The following LRBA variants were observed in gnomAD, a reference collection of about 807,000 sequenced individuals.
LRBA encodes lipopolysaccharide-responsive and beige-like anchor protein.
A neutral mutation model predicts 330.0 loss-of-function variants in LRBA; 176 were observed. The observed-to-expected ratio is 0.53, with a 90% CI of 0.47 to 0.60. The LOEUF (loss-of-function observed/expected upper bound fraction) is 0.60. LRBA is among the 20% of genes least tolerant of loss of function. The pLI is 0.00. For missense variants in LRBA, 3,259 were observed against 3,444.8 expected (o/e 0.95, Z 1.35); for synonymous variants, 1,230 against 1,193.0 (o/e 1.03, Z -0.64).
intron 40 of LRBA, among the ~76,000 whole-genome samples, chr4:150,522,617 C>T (rs1020095240): frequency 6.6e-6 from 1 of 152,202 alleles, no homozygotes; most frequent in African/African-American, 2.4e-5. Context: ...CCAACCAGCA[C>T]AGCTCAAGTC....
intron 37 of LRBA, among the ~76,000 whole-genome samples, chr4:150,626,290 C>T (rs1343750824): frequency 1.3e-5 from 2 of 152,092 alleles, no homozygotes; most frequent in African/African-American, 4.8e-5. Flanking sequence ...CTAAAAAGTG[C>T]TTCAAATAAA....
intron 47 of LRBA, among the ~76,000 whole-genome samples, chr4:150,352,058 A>G (rs1200040252): frequency 6.6e-6 from 1 of 152,242 alleles, no homozygotes; most frequent in Non-Finnish European, 1.5e-5. Context: ...ACTGTGGATA[A>G]GGAGGAGACT....
chr4:150,491,706 G>A (rs900578187), intron 40 of LRBA, among the ~76,000 whole-genome samples: 1 of 152,096 alleles, frequency 6.6e-6, no homozygotes, highest in African/African-American at 2.4e-5. Context: ...CATCCCAGGT[G>A]ACAGACAGAG....
chr4:150,427,020 T>A (rs1190304410), intron 46 of LRBA, among the ~76,000 whole-genome samples: 1 of 151,734 alleles, frequency 6.6e-6, no homozygotes, highest in African/African-American at 2.4e-5. Flanking sequence ...GCAATAATAA[T>A]GCAAACAAAA....
rs1581618930 is a variant in LRBA, at chr4:150,539,361, T to C, written c.6331-48326A>G. ...TTCTTCATCTGAAAAATGTTAGCCA[T>C]AAAAAATTTTTTACCCCAATTTCTA... On this transcript the variant is annotated intron_variant, in intron 40 of 56. Coordinates refer to ENST00000651943, the MANE Select transcript of LRBA (RefSeq NM_001364905.1). 2.6e-5 allele frequency among the ~76,000 whole-genome samples: 4 copies of C among 152,290 alleles called. No homozygotes were observed. The South Asian group carries it at 8.3e-4, about 32-fold the overall frequency.
rs1373279973 is a variant in LRBA, at chr4:150,786,701, C to CA, written c.5580+11379dup. On this transcript the variant is annotated intron_variant, in intron 34 of 56. Transcript: ENST00000651943. ...CCCAAACTATCAGCAGCACTCTGAC[C>CA]AAAAAAATATGTTTAAAAAACCCTA... 3.3e-5 allele frequency among the ~76,000 whole-genome samples: 5 copies of CA among 152,064 alleles called. No homozygotes were observed. In the South Asian group the frequency reaches 6.3e-4, roughly 19 times the overall value.
intron 35 of LRBA, among the ~76,000 whole-genome samples, chr4:150,742,146 TA>T (rs1222602832): frequency 1.4e-3 from 16 of 11,348 alleles, no homozygotes; most frequent in East Asian, 1.0e-2. Flanking sequence ...TTATTATTAT[TA>T]TTATTTTTTT....
chr4:150,903,022 C>G (rs780136302), intron 13 of LRBA, among the ~76,000 whole-genome samples: 1 of 152,086 alleles, frequency 6.6e-6, no homozygotes, highest in East Asian at 1.9e-4. Flanking sequence ...CTAACTACTT[C>G]GTTCTGAGAA....
chr4:150,767,330 T>A (rs543109174), intron 34 of LRBA, among the ~76,000 whole-genome samples: 1 of 152,282 alleles, frequency 6.6e-6, no homozygotes, highest in African/African-American at 2.4e-5. Context: ...AATATTAGCA[T>A]GTTCTAAAGC....
chr4:150,830,472 C>T (rs1028488080), intron 29 of LRBA, among the ~76,000 whole-genome samples: 2 of 152,046 alleles, frequency 1.3e-5, no homozygotes, highest in Non-Finnish European at 2.9e-5. Context: ...CTGTTTTAGT[C>T]AGTCAGTCTC....
chr4:150,873,280 C>T (rs544056387), intron 17 of LRBA, among the ~76,000 whole-genome samples: 1 of 152,214 alleles, frequency 6.6e-6, no homozygotes, highest in South Asian at 2.1e-4. Context: ...ATATAGTAAT[C>T]TAATTTAATT....
chr4:150,861,701 TAAGA>T (rs1368056287), intron 22 of LRBA, among the ~76,000 whole-genome samples: 1 of 152,216 alleles, frequency 6.6e-6, no homozygotes, highest in Non-Finnish European at 1.5e-5. Context: ...CTTTGTTCAA[TAAGA>T]AATTAACCTC....
At chr4:150,685,414 ATATATATTTTTTTTT>A (rs1203395514) in intron 36 of LRBA, among the ~76,000 whole-genome samples, 1 of 19,400 alleles carries the variant, frequency 5.2e-5, no homozygotes, top group Non-Finnish European at 9.5e-5. Context: ...ATATATATAT[ATATATATTTTTTTTT>A]TTTTTTTTTT....
intron 35 of LRBA, among the ~76,000 whole-genome samples, chr4:150,736,863 T>C (rs2127147273): frequency 6.6e-6 from 1 of 152,144 alleles, no homozygotes; most frequent in South Asian, 2.1e-4. Context: ...AGAGCAACAA[T>C]AAGCCTAATG....
chr4:150,858,270 T>A (rs1353102732), intron 22 of LRBA, among the ~76,000 whole-genome samples: 1 of 152,192 alleles, frequency 6.6e-6, no homozygotes, highest in East Asian at 1.9e-4. Flanking sequence ...AGGGAGAGGA[T>A]CACTTGAGCC....
chr4:150,806,525 T>A, intron 32 of LRBA, 121 bp from the exon 33 acceptor site: 1 of 503,640 alleles, frequency 2.0e-6, no homozygotes, highest in Non-Finnish European at 3.0e-6. Context: ...AAAAATCACC[T>A]AAAGAGACAT....
chr4:150,856,510 C>T (rs887920885), intron 22 of LRBA, among the ~76,000 whole-genome samples: 1 of 152,116 alleles, frequency 6.6e-6, no homozygotes, highest in Non-Finnish European at 1.5e-5. Flanking sequence ...TATTTATTCT[C>T]GCTTCATACT....
chr4:150,328,250 G>A (rs187127187), intron 48 of LRBA, among the ~76,000 whole-genome samples: 116 of 152,256 alleles, frequency 7.6e-4, no homozygotes, highest in African/African-American at 2.7e-3. Flanking sequence ...TAAATTTTAC[G>A]TCAGACACAT....
intron 44 of LRBA, among the ~76,000 whole-genome samples, chr4:150,453,366 C>T (rs545122199): frequency 2.1e-4 from 32 of 152,222 alleles, no homozygotes; most frequent in African/African-American, 7.5e-4. Context: ...TAGACCTACA[C>T]ATATATGGCC....
Sources: allele counts gnomAD v4.1 joint callset (sites outside exome capture counted in the v4.1 genomes callset), GRCh38; gene constraint gnomAD v4.1.1; transcripts MANE v1.5; gene names NCBI Gene and HGNC (gene_info 2026-07-23, HGNC 2026-07-21).